Variants in FAM227B observed in about 807,000 individuals in gnomAD.
FAM227B encodes protein FAM227B.
FAM227B carries 88 observed loss-of-function variants against 73.8 expected under a neutral mutation model. The observed-to-expected ratio is 1.19, with a 90% CI of 1.00 to 1.42. The LOEUF is 1.42. Ranked by LOEUF, FAM227B falls within the 40% of genes most tolerant of loss-of-function variation. FAM227B has a pLI of 0.00. For synonymous variants in FAM227B, 210 were observed against 190.5 expected (o/e 1.10, Z -0.84); for missense variants, 632 against 590.9 (o/e 1.07, Z -0.72).
chr15:49,451,008 G>A (rs1482592217), intron 11 of FAM227B, among the ~76,000 whole-genome samples: 1 of 152,056 alleles, frequency 6.6e-6, no homozygotes, highest in Admixed American at 6.6e-5. Context: ...ATGTGTGTGA[G>A]TGGGGAAATA....
rs2077223320 is a variant in FAM227B, at chr15:49,601,820, C to T, written c.105+9395G>A. Among the ~76,000 whole-genome samples the T allele has an allele frequency of 3.3e-5, 5 of 152,272 alleles. No homozygotes were observed. The South Asian group carries it at 8.3e-4, about 25-fold the overall frequency. On this transcript the variant is annotated intron_variant, in intron 3 of 15. Coordinates refer to ENST00000299338, the MANE Select transcript of FAM227B (RefSeq NM_152647.3). ...ACTCCTTTTCCCAGTTTCTGGTAAC[C>T]CTCCTTCTGCTCTCTATTTCCATGA... is the stretch of plus-strand genomic sequence containing the variant.
intron 9 of FAM227B, among the ~76,000 whole-genome samples, chr15:49,565,381 C>CAAAAAAA: frequency 1.1e-5 from 1 of 90,280 alleles, no homozygotes; most frequent in Non-Finnish European, 2.3e-5. Context: ...GACTCCATCT[C>CAAAAAAA]AAAAAAAAAA....
At chr15:49,496,931 TCACACACACA>T (rs147133019) in intron 11 of FAM227B, among the ~76,000 whole-genome samples, 1 of 142,054 alleles carries the variant, frequency 7.0e-6, no homozygotes, top group Non-Finnish European at 1.6e-5. Flanking sequence ...ATACACAAAG[TCACACACACA>T]CACACACACA....
chr15:49,484,141 T>C (rs899898173), intron 11 of FAM227B, among the ~76,000 whole-genome samples: 7 of 152,066 alleles, frequency 4.6e-5, no homozygotes, highest in Admixed American at 1.3e-4. Flanking sequence ...TTTATGCAAA[T>C]ATACTACATA....
intron 13 of FAM227B, among the ~76,000 whole-genome samples, chr15:49,361,297 A>G (rs1429063791): frequency 6.6e-6 from 1 of 152,120 alleles, no homozygotes; most frequent in Admixed American, 6.5e-5. Flanking sequence ...TTTGTTACAT[A>G]GGTAAATTGA....
chr15:49,437,869 T>A (rs2051254780), intron 11 of FAM227B, among the ~76,000 whole-genome samples: 1 of 151,552 alleles, frequency 6.6e-6, no homozygotes, highest in Non-Finnish European at 1.5e-5. Flanking sequence ...TTCAGGGAGT[T>A]AGAGGACTCT....
chr15:49,560,971 A>G (rs577995487), intron 9 of FAM227B, among the ~76,000 whole-genome samples: 2 of 152,316 alleles, frequency 1.3e-5, no homozygotes, highest in African/African-American at 4.8e-5. Flanking sequence ...AGTACATAAT[A>G]GAAGATAGAA....
At chr15:49,367,700 T>G in intron 12 of FAM227B, 92 bp from the exon 13 acceptor site, 1 of 1,165,750 alleles carries the variant, frequency 8.6e-7, no homozygotes, top group Non-Finnish European at 1.2e-6. Flanking sequence ...AGCATAAAGT[T>G]ACCATTTGAT....
At chr15:49,340,507 A>G (rs1015182539) in intron 13 of FAM227B, among the ~76,000 whole-genome samples, 3 of 151,470 alleles carry the variant, frequency 2.0e-5, no homozygotes, top group African/African-American at 7.3e-5. Context: ...GAAATGCAGA[A>G]GTCACCTGTC....
intron 11 of FAM227B, among the ~76,000 whole-genome samples, chr15:49,372,200 A>AAATGAAATAAAATTCACTTATAAATC (rs1199722102): frequency 2.0e-5 from 3 of 148,028 alleles, no homozygotes; most frequent in African/African-American, 7.4e-5. Flanking sequence ...ACTTATAAAT[A>AAATGAAATAAAATTCACTTATAAATC]AATGAAATAA....
intron 11 of FAM227B, among the ~76,000 whole-genome samples, chr15:49,379,447 G>T (rs914026661): frequency 6.6e-6 from 1 of 152,024 alleles, no homozygotes; most frequent in African/African-American, 2.4e-5. Flanking sequence ...GAGACTTTTT[G>T]TTAGGACTTT....
chr15:49,496,513 G>T (rs2057622377), intron 11 of FAM227B, among the ~76,000 whole-genome samples: 1 of 152,118 alleles, frequency 6.6e-6, no homozygotes, highest in Non-Finnish European at 1.5e-5. Flanking sequence ...CTTAAGAGGA[G>T]CTGGCTTATA....
intron 12 of FAM227B, among the ~76,000 whole-genome samples, chr15:49,370,124 T>C (rs764932100): frequency 1.4e-4 from 21 of 152,312 alleles, no homozygotes; most frequent in Middle Eastern, 3.4e-3. Flanking sequence ...ACTCCAGAAC[T>C]ATGAGAAATG....
chr15:49,559,923 G>A (rs1341367483), intron 9 of FAM227B, among the ~76,000 whole-genome samples: 2 of 149,534 alleles, frequency 1.3e-5, no homozygotes, highest in Non-Finnish European at 2.9e-5. Flanking sequence ...GTGACAGAGC[G>A]AGACTCCAAG....
chr15:49,576,629 A>G (rs1212392496), intron 7 of FAM227B, 112 bp downstream of exon 7: 2 of 666,668 alleles, frequency 3.0e-6, no homozygotes, highest in Non-Finnish European at 5.1e-6. Flanking sequence ...TTTAATGCCC[A>G]AAGGATCAAA....
At position 49,328,399 on chromosome 15, in the gene FAM227B, G is replaced by A; in HGVS notation, c.*169C>T. The A allele has an allele frequency of 3.5e-6, 5 of 1,428,824 alleles. No individual in the cohort carries two copies. Among genetic ancestry groups the A allele is most frequent in the Non-Finnish European group, 4.6e-6 (5 of 1,094,702 alleles). The allele number at this position is 1,428,824 out of a possible 1,614,324, so 88.5% of individuals were successfully genotyped here. On this transcript the variant is annotated 3_prime_UTR_variant, in exon 16 of 16. Coordinates refer to ENST00000299338, the MANE Select transcript of FAM227B (RefSeq NM_152647.3). ...GATCATGCTTGGACAGATCTTTTAA[G>A]AATAACTTACTGAGATTTATTGATT...
intron 10 of FAM227B, among the ~76,000 whole-genome samples, chr15:49,520,673 T>A (rs936081926): frequency 6.6e-6 from 1 of 152,094 alleles, no homozygotes; most frequent in Admixed American, 6.5e-5. Context: ...TATAAAACCA[T>A]CAGATCTTGT....
intron 11 of FAM227B, among the ~76,000 whole-genome samples, chr15:49,397,362 C>T (rs1051413052): frequency 2.6e-5 from 4 of 152,146 alleles, no homozygotes; most frequent in Admixed American, 2.6e-4. Context: ...AAGACCAAAT[C>T]TACGTCTGAC....
chr15:49,557,678 C>T lies in FAM227B; in HGVS notation c.747+10567G>A, dbSNP rs981034119. Among the ~76,000 whole-genome samples, 9 of 152,056 alleles carry T rather than the reference C, an allele frequency of 5.9e-5. No homozygotes were observed. The East Asian group carries it at 7.7e-4, about 13-fold the overall frequency. ...ATGGAGAGTGGGGGAAGCTCCCTCA[C>T]GCAGGGAAAGGTGAGTGAGTGAGAG... On this transcript the variant is annotated intron_variant, in intron 9 of 15. Transcript: ENST00000299338.
Sources: gnomAD v4.1 joint callset for allele counts (sites outside exome capture counted in the v4.1 genomes callset) on GRCh38, gnomAD v4.1.1 for gene constraint, MANE v1.5 for transcripts, NCBI Gene and HGNC (gene_info 2026-07-23, HGNC 2026-07-21) for gene names.